SNX31: variants seen among roughly 807,000 people sequenced by gnomAD.
The protein encoded by SNX31 is sorting nexin 31, also known as sorting nexin-31.
SNX31 carries 58 observed loss-of-function variants against 65.4 expected under a neutral mutation model. The observed-to-expected ratio is 0.89, with a 90% CI of 0.72 to 1.10. The LOEUF (loss-of-function observed/expected upper bound fraction) is 1.10. Among genes scored for constraint, SNX31 ranks in the 50% least tolerant of loss-of-function variants. The probability of loss-of-function intolerance (pLI) is 0.00; values close to 1 mark genes in which losing one functional copy is unlikely to be tolerated. For synonymous variants in SNX31, 181 were observed against 190.1 expected, an observed-to-expected ratio of 0.95 and a Z score of 0.39; for missense variants, 523 against 529.7, an observed-to-expected ratio of 0.99 and a Z score of 0.12.
At chr8:100,652,264 C>T (rs1431023760), upstream of SNX31, among the ~76,000 whole-genome samples, 3 of 152,208 alleles carry the variant, frequency 2.0e-5, no homozygotes, top group Non-Finnish European at 2.9e-5. Context: ...AGGTGTGAGC[C>T]ACCGCGCCCG....
intron 10 of SNX31, among the ~76,000 whole-genome samples, chr8:100,591,503 A>G (rs1199991859): frequency 1.3e-5 from 2 of 151,376 alleles, no homozygotes; most frequent in Non-Finnish European, 2.9e-5. Flanking sequence ...AAAAAAAAAA[A>G]AAAAAGAAGG....
chr8:100,644,746 T>C (rs1190168534), intron 2 of SNX31, among the ~76,000 whole-genome samples: 1 of 152,192 alleles, frequency 6.6e-6, no homozygotes, highest in Non-Finnish European at 1.5e-5. Flanking sequence ...CTCACTGCAA[T>C]CTGTGCCTCC....
rs1711684869 is a variant in SNX31 at position 100,576,566 on chromosome 8, T to C, written c.1227+453A>G. Among the ~76,000 whole-genome samples the C allele has an allele frequency of 6.6e-6, 1 of 152,184 alleles. No individual in the cohort carries two copies. The highest frequency in any genetic ancestry group is 2.4e-5 in the African/African-American group (1 of 41,450). ...TAGAATACTGCCTGGCAATAATGAG[T>C]GCTCAAAAATGTCATTGATTGTGAT... On this transcript the variant is annotated intron_variant, in intron 13 of 13. Coordinates refer to ENST00000311812, the MANE Select transcript of SNX31 (RefSeq NM_152628.4). The surrounding 1 kb of genome is among the most constrained non-coding windows in gnomAD (Gnocchi z 4.8).
rs886446342 is a variant in SNX31 at position 100,612,352 on chromosome 8, C to T, written c.524-265G>A. ...AAAAAATAGATCCGGAGACATCCAG[C>T]GCCTTCGCAGCTCACCGCAGGGCCT... On this transcript the variant is annotated intron_variant, in intron 6 of 13. Coordinates refer to ENST00000311812, the MANE Select transcript of SNX31 (RefSeq NM_152628.4). The surrounding 1 kb of genome is among the most constrained non-coding windows in gnomAD (Gnocchi z 4.3). 2.0e-5 allele frequency among the ~76,000 whole-genome samples: 3 copies of T among 152,050 alleles called. No homozygotes were observed. Among genetic ancestry groups the T allele is most frequent in the African/African-American group, 4.8e-5 (2 of 41,394 alleles).
At chr8:100,649,225 C>A in intron 2 of SNX31, 49 bp downstream of exon 2, 1 of 1,574,192 alleles carries the variant, frequency 6.4e-7, no homozygotes, top group East Asian at 2.3e-5. Context: ...GGACAGCTTT[C>A]TCCACCTGTC....
chr8:100,645,422 A>T (rs1819553341), intron 2 of SNX31, among the ~76,000 whole-genome samples: 1 of 152,146 alleles, frequency 6.6e-6, no homozygotes, highest in African/African-American at 2.4e-5. Flanking sequence ...GGTCACCCAA[A>T]CTTTCAGCCT....
chr8:100,640,159 C>T (rs1194662615), intron 2 of SNX31, among the ~76,000 whole-genome samples: 1 of 151,896 alleles, frequency 6.6e-6, no homozygotes, highest in African/African-American at 2.4e-5. Context: ...CAGAGTCTTG[C>T]TCTTGTTGCC....
intron 5 of SNX31, among the ~76,000 whole-genome samples, chr8:100,615,063 A>C (rs1470206728): frequency 2.0e-5 from 3 of 152,192 alleles, no homozygotes; most frequent in Non-Finnish European, 4.4e-5. Flanking sequence ...CCTGGAAGGA[A>C]ATTCACACCT....
chr8:100,620,642 A>G (rs1817615888), intron 4 of SNX31, among the ~76,000 whole-genome samples: 2 of 152,230 alleles, frequency 1.3e-5, no homozygotes, highest in African/African-American at 2.4e-5. Context: ...TAAAATATCT[A>G]TATATTTATT....
intron 4 of SNX31, chr8:100,619,777 C>T (rs1817550176): frequency 6.6e-6 from 1 of 152,234 alleles, no homozygotes; most frequent in Admixed American, 6.5e-5. Flanking sequence ...TGCCCCAAGG[C>T]ATCCACAGTA....
chr8:100,592,191 T>A (rs1049320147), intron 10 of SNX31, among the ~76,000 whole-genome samples: 2 of 152,014 alleles, frequency 1.3e-5, no homozygotes, highest in Admixed American at 6.5e-5. Flanking sequence ...CTCAGGAATT[T>A]GGAGAAAAAA....
chr8:100,616,154 A>G (rs1014478764), intron 5 of SNX31, among the ~76,000 whole-genome samples: 2 of 152,216 alleles, frequency 1.3e-5, no homozygotes, highest in Non-Finnish European at 2.9e-5. Flanking sequence ...ATGCAGTCCA[A>G]TGTTGACCGA....
chr8:100,629,605 C>A lies in SNX31; in HGVS notation c.321+722G>T, dbSNP rs1818285297. Among the ~76,000 whole-genome samples, 1 of 152,194 alleles carries A rather than the reference C, an allele frequency of 6.6e-6. No individual in the cohort carries two copies. The highest frequency in any genetic ancestry group is 1.5e-5 in the Non-Finnish European group (1 of 68,028). On this transcript the variant is annotated intron_variant, in intron 4 of 13. Coordinates refer to ENST00000311812, the MANE Select transcript of SNX31 (RefSeq NM_152628.4). The surrounding 1 kb of genome is among the most constrained non-coding windows in gnomAD (Gnocchi z 5.1). ...CATTTTTGCAAATCTGATCATTCCT[C>A]CCCTGGCTAAGGATCCAGTTAACTA...
intron 4 of SNX31, among the ~76,000 whole-genome samples, chr8:100,621,783 A>G (rs1010501853): frequency 6.6e-6 from 1 of 152,216 alleles, no homozygotes; most frequent in African/African-American, 2.4e-5. Flanking sequence ...ATTGGTCAGG[A>G]TGAGAGGAAT....
intron 12 of SNX31, among the ~76,000 whole-genome samples, chr8:100,579,567 C>T (rs1033167189): frequency 1.3e-5 from 2 of 152,150 alleles, no homozygotes; most frequent in African/African-American, 4.8e-5. Context: ...GCTAACATTC[C>T]TCAGATATCA....
At position 100,613,605 on chromosome 8, in the gene SNX31, C is replaced by T. The variant is rs16898640; in HGVS notation, c.433-520G>A. Among the ~76,000 whole-genome samples the T allele has an allele frequency of 0.076, 11,645 of 152,234 alleles. 591 individuals carry two copies. Among genetic ancestry groups the T allele is most frequent in the African/African-American group, 0.13 (5,336 of 41,538 alleles). On this transcript the variant is annotated intron_variant, in intron 5 of 13. Coordinates refer to ENST00000311812, the MANE Select transcript of SNX31 (RefSeq NM_152628.4). The surrounding 1 kb of genome is among the most constrained non-coding windows in gnomAD (Gnocchi z 5.2). ...GCCTGCTTCGCCTTGATGTTTCCTG[C>T]GATGGTCAACTGTAATTTACTAGGA...
intron 9 of SNX31, among the ~76,000 whole-genome samples, chr8:100,598,033 T>C (rs2469663): frequency 0.53 from 80,057 of 152,080 alleles, 25,231 homozygotes; most frequent in African/African-American, 0.89. Flanking sequence ...TGATCCTTTC[T>C]TGAAGCAAGG....
At chr8:100,658,905 G>T (rs1047214275) in intron 1 of SNX31, among the ~76,000 whole-genome samples, 4 of 152,162 alleles carry the variant, frequency 2.6e-5, no homozygotes, top group African/African-American at 4.8e-5. Flanking sequence ...TGGCTGCTAG[G>T]CTTGGCGGAA....
chr8:100,618,257 C>T lies in SNX31; in HGVS notation c.322-527G>A, dbSNP rs182924982. 9.3e-4 allele frequency: 1,362 copies of T among 1,459,630 alleles called. 29 individuals carry two copies. The Admixed American group carries it at 0.026, about 28-fold the overall frequency. 90.4% of individuals were successfully genotyped at this position (1,459,630 alleles called of 1,614,324 possible). A position where few individuals can be genotyped will look rare whatever the true frequency, so the allele number is the denominator to read the frequency against. ...GAAGCTTAAAGAACTTCCAAGTAAA[C>T]AACTGAGTATCTATATTGGAGAAAA... On this transcript the variant is annotated intron_variant, in intron 4 of 13. Coordinates refer to ENST00000311812, the MANE Select transcript of SNX31 (RefSeq NM_152628.4).
Sources: allele counts gnomAD v4.1 joint callset (sites outside exome capture counted in the v4.1 genomes callset), GRCh38; gene constraint gnomAD v4.1.1; non-coding constraint Gnocchi (gnomAD v3.1); transcripts MANE v1.5; gene names NCBI Gene and HGNC (gene_info 2026-07-23, HGNC 2026-07-21).